The following FAP variants were observed in gnomAD, a reference collection of about 807,000 sequenced individuals.
FAP encodes the protein prolyl endopeptidase FAP.
In FAP, 110 loss-of-function variants were observed where a neutral mutation model predicts 126.5. That is an observed-to-expected ratio of 0.87 (90% CI 0.74 to 1.02). The LOEUF (loss-of-function observed/expected upper bound fraction) is 1.02, where lower values mean the gene tolerates loss of function less well. FAP is among the 50% of genes least tolerant of loss of function. The pLI is 0.00. For synonymous variants in FAP, 334 were observed against 297.3 expected, an observed-to-expected ratio of 1.12 and a Z score of -1.27; for missense variants, 919 against 909.2, an observed-to-expected ratio of 1.01 and a Z score of -0.14.
intron 22 of FAP, among the ~76,000 whole-genome samples, chr2:162,174,215 C>T (rs1330696189): frequency 1.3e-5 from 2 of 152,196 alleles, no homozygotes; most frequent in East Asian, 1.9e-4. Flanking sequence ...ATCTATTCCC[C>T]CTACACACGT....
Position 162,174,965 on chromosome 2 carries a change from G to C in FAP, c.1871C>G (p.Ser624Cys). The change falls in exon 22 of 26, where the codon TCC (serine) becomes TGC (cysteine). Residue 624 changes from serine (S) to cysteine (C), a missense_variant and splice_region_variant. By Grantham distance (112) the Ser-to-Cys change is moderately radical (BLOSUM62 -1). Transcript: ENST00000188790. ...CAGTGATGAAACGTATCCTCCATAG[G>C]ACTGTAGAGACATTGTTATGAGTCA... ...DEKRIAIWGW[S>C]YGGYVSSLAL... 1.2e-6 allele frequency: 2 copies of C among 1,603,102 alleles called. No homozygotes were observed. Among genetic ancestry groups the C allele is most frequent in the South Asian group, 2.2e-5 (2 of 90,688 alleles).
chr2:162,202,806 T>C, intron 14 of FAP, 66 bp downstream of exon 14: 1 of 1,154,860 alleles, frequency 8.7e-7, no homozygotes, highest in Non-Finnish European at 1.3e-6. Context: ...GTTGGTACAG[T>C]ATCATTTATG....
chr2:162,243,426 T>A lies in FAP; in HGVS notation c.-99A>T. On this transcript the variant is annotated 5_prime_UTR_variant, in exon 1 of 26. Coordinates refer to ENST00000188790, the MANE Select transcript of FAP (RefSeq NM_004460.5). ...AAAAGGACCAAGTCTGTCTTTGTAG[T>A]TGGAAGCTGAAGCCAGGACAAGGTT... The A allele has an allele frequency of 6.7e-7, 1 of 1,499,426 alleles. No individual in the cohort carries two copies. The highest frequency in any genetic ancestry group is 8.9e-7 in the Non-Finnish European group (1 of 1,123,622). 92.9% of individuals were successfully genotyped at this position (1,499,426 alleles called of 1,614,324 possible).
Position 162,173,873 on chromosome 2 carries a change from T to G in FAP, c.1970-86A>C, listed in dbSNP as rs976773512. The G allele has an allele frequency of 1.3e-5, 12 of 912,662 alleles. No homozygotes were observed. In the Admixed American group the frequency reaches 1.5e-4, roughly 11 times the overall value. The allele number at this position is 912,662 out of a possible 1,614,324, so 56.5% of individuals were successfully genotyped here. ...CAAGACCTTCTAGTTTAATAACTGT[T>G]TCTCAATTTTCCCATCTTGAGCTCT... On this transcript the variant is annotated intron_variant, in intron 22 of 25. Transcript: ENST00000188790.
At chr2:162,216,107 T>C (rs560925005) in intron 9 of FAP, 106 bp from the exon 10 acceptor site, 341 of 717,156 alleles carry the variant, frequency 4.8e-4, no homozygotes, top group Non-Finnish European at 7.4e-4. Context: ...AACAATCTTA[T>C]GTATATCACT....
chr2:162,188,507 G>A (rs1576145258), intron 19 of FAP, 144 bp from the exon 20 acceptor site: 1 of 753,096 alleles, frequency 1.3e-6, no homozygotes, highest in Admixed American at 2.8e-5. Flanking sequence ...AAAATCAAGA[G>A]GAGTCCAGGC....
chr2:162,235,074 C>T (rs1266499986), intron 2 of FAP, among the ~76,000 whole-genome samples: 2 of 152,126 alleles, frequency 1.3e-5, no homozygotes, highest in African/African-American at 2.4e-5. Context: ...TAGCTGCCTC[C>T]CTGCGGGGCA....
chr2:162,209,921 A>C (rs1173737191), intron 12 of FAP, 31 bp downstream of exon 12: 1 of 1,599,806 alleles, frequency 6.3e-7, no homozygotes, highest in Non-Finnish European at 8.6e-7. Flanking sequence ...AAGTTTCATT[A>C]AAACATAAGA....
At chr2:162,225,317 C>CAGT (rs1440056741) in intron 4 of FAP, among the ~76,000 whole-genome samples, 166 bp downstream of exon 4, 1 of 152,100 alleles carries the variant, frequency 6.6e-6, no homozygotes, top group Admixed American at 6.6e-5. Context: ...AAGGCAAAGA[C>CAGT]AGTAGTCTAA....
chr2:162,187,138 T>A (rs893295455), intron 20 of FAP, among the ~76,000 whole-genome samples: 1 of 152,104 alleles, frequency 6.6e-6, no homozygotes, highest in African/African-American at 2.4e-5. Flanking sequence ...TAATTACTTG[T>A]GAGTCTAAAC....
chr2:162,199,311 A>G (rs753866697), intron 15 of FAP, among the ~76,000 whole-genome samples: 1 of 152,228 alleles, frequency 6.6e-6, no homozygotes, highest in African/African-American at 2.4e-5. Flanking sequence ...TTCTTACCAT[A>G]TATCAGGATG....
At chr2:162,237,676 C>T (rs1315941794) in intron 2 of FAP, among the ~76,000 whole-genome samples, 1 of 152,156 alleles carries the variant, frequency 6.6e-6, no homozygotes, top group Non-Finnish European at 1.5e-5. Flanking sequence ...GTGCATGTGT[C>T]TTTTTAGCAG....
At chr2:162,199,058 G>T (rs989006053) in intron 15 of FAP, among the ~76,000 whole-genome samples, 177 bp from the exon 16 acceptor site, 2 of 152,120 alleles carry the variant, frequency 1.3e-5, no homozygotes, top group South Asian at 4.1e-4. Flanking sequence ...CTTGATTTTT[G>T]ATCCATCTTT....
At chr2:162,235,149 C>T (rs1417131231) in intron 2 of FAP, among the ~76,000 whole-genome samples, 2 of 151,754 alleles carry the variant, frequency 1.3e-5, no homozygotes, top group Non-Finnish European at 2.9e-5. Flanking sequence ...CCCAGTCCCC[C>T]GTCACCCCCT....
intron 12 of FAP, chr2:162,209,485 C>A (rs1688842154): frequency 6.6e-6 from 1 of 152,442 alleles, no homozygotes; most frequent in Non-Finnish European, 1.5e-5. Flanking sequence ...TACTTAAATA[C>A]TGGAAGGAGT....
chr2:162,174,732 T>C, intron 22 of FAP, 135 bp downstream of exon 22: 1 of 575,322 alleles, frequency 1.7e-6, no homozygotes, highest in Non-Finnish European at 3.1e-6. Context: ...TATAAACAAC[T>C]TTGTTTATAA....
At position 162,198,849 on chromosome 2, in the gene FAP, T is replaced by G; in HGVS notation, c.1310A>C (p.Lys437Thr). 6.2e-7 allele frequency: 1 copy of G among 1,613,940 alleles called. No individual in the cohort carries two copies. Residue 437 changes from lysine (K) to threonine (T), a missense_variant, in exon 16 of 26, where the codon AAG becomes ACG. Lys to Thr is a moderately conservative substitution (Grantham distance 78). Coordinates refer to ENST00000188790, the MANE Select transcript of FAP (RefSeq NM_004460.5). The part of the protein sequence containing the change: ...ISIGSYPPSK[K>T]CVTCHLRKER... ...TTTCCTTAGATGGCAAGTAACACAC[T>G]TCTTGCTTGGAGGATAGCTTCCAAT... is the stretch of plus-strand genomic sequence containing the variant.
chr2:162,177,418 C>T (rs1038038267), intron 21 of FAP, among the ~76,000 whole-genome samples: 1 of 152,048 alleles, frequency 6.6e-6, no homozygotes, highest in African/African-American at 2.4e-5. Context: ...CCTCACTTCT[C>T]CCCTTCCTTT....
At chr2:162,213,385 CAAAAAACA>C (rs1689033133) in intron 11 of FAP, among the ~76,000 whole-genome samples, 1 of 137,188 alleles carries the variant, frequency 7.3e-6, no homozygotes, top group Admixed American at 7.1e-5. Context: ...AAAAAAAAAA[CAAAAAACA>C]AAAAAACAAA....
Sources: gnomAD v4.1 joint callset for allele counts (sites outside exome capture counted in the v4.1 genomes callset) on GRCh38, gnomAD v4.1.1 for gene constraint, MANE v1.5 for transcripts, NCBI Gene and HGNC (gene_info 2026-07-23, HGNC 2026-07-21) for gene names.